The following PCK1 variants were observed in gnomAD, a reference collection of about 807,000 sequenced individuals.
PCK1 encodes phosphoenolpyruvate carboxykinase 1, also known as phosphoenolpyruvate carboxykinase, cytosolic [GTP].
In PCK1, 44 loss-of-function variants were observed where a neutral mutation model predicts 50.3. The observed-to-expected ratio is 0.87, with a 90% CI of 0.69 to 1.12. The LOEUF is 1.12. Among genes scored for constraint, PCK1 ranks in the 50% most tolerant of loss-of-function variants. The pLI is 0.00. For synonymous variants in PCK1, 332 were observed against 314.3 expected (o/e 1.06, Z -0.59); for missense variants, 790 against 815.0 (o/e 0.97, Z 0.37).
Position 57,562,753 on chromosome 20 carries a change from A to C in PCK1, c.464A>C (p.Lys155Thr). 2 of 1,614,102 alleles carry C rather than the reference A, an allele frequency of 1.2e-6. No homozygotes were observed. The highest frequency in any genetic ancestry group is 1.7e-6 in the Non-Finnish European group (2 of 1,179,960). ...SMGPLGSPLS[K>T]IGIELTDSPY... ...GGGCCGCTGGGCTCGCCTCTGTCAAAGATCGGCATCGAGCTGACGGATTCA... is the reference window on the plus strand; with the variant it reads ...GGGCCGCTGGGCTCGCCTCTGTCAACGATCGGCATCGAGCTGACGGATTCA... The change falls in exon 4 of 10, where the codon AAG becomes ACG. Residue 155 changes from lysine (K) to threonine (T), a missense_variant. Coordinates refer to ENST00000319441, the MANE Select transcript of PCK1 (RefSeq NM_002591.4).
In PCK1 at chr20:57,563,071, C is replaced by T. The variant is rs1600707117; in HGVS notation, c.654C>T (p.Leu218=). The change falls in exon 5 of 10, where the codon CTC becomes CTT. Residue 218 remains leucine (L), a synonymous_variant. Coordinates refer to ENST00000319441, the MANE Select transcript of PCK1 (RefSeq NM_002591.4). ...NNWPCNPELT[L]IAHLPDRREI... Reference sequence around the variant, plus strand: ...GGCCCTGCAACCCGGAGCTGACGCTCATCGCCCACCTGCCTGACCGCAGAG... The same window carrying T: ...GGCCCTGCAACCCGGAGCTGACGCTTATCGCCCACCTGCCTGACCGCAGAG... 6.2e-7 allele frequency: 1 copy of T among 1,614,112 alleles called. No individual in the cohort carries two copies. Among genetic ancestry groups the T allele is most frequent in the Non-Finnish European group, 8.5e-7 (1 of 1,180,022 alleles).
rs767392624 is a variant in PCK1, at chr20:57,565,355, A to G, written c.1420A>G (p.Ile474Val). ...ATAAAEHKGKIIMHDPFAMRP... is the reference protein window; with the variant it reads ...ATAAAEHKGKVIMHDPFAMRP... ...ACTCCCTCTCTGTTTAACAGGCAAA[A>G]TCATCATGCATGACCCCTTTGCCAT... is the stretch of plus-strand genomic sequence containing the variant. The change falls in exon 10 of 10, where the codon ATC becomes GTC. Residue 474 changes from isoleucine (I) to valine (V), a missense_variant. Physicochemically the swap from Ile to Val is conservative, Grantham distance 29 (BLOSUM62 3). Transcript: ENST00000319441. The G allele has an allele frequency of 1.9e-6, 3 of 1,612,880 alleles. No homozygotes were observed. In the African/African-American group the frequency reaches 4.0e-5, roughly 22 times the overall value.
rs1281227982 is a variant in PCK1, at chr20:57,561,417, T to A, written c.6T>A (p.Pro2=). 1.9e-6 allele frequency: 3 copies of A among 1,610,808 alleles called. No homozygotes were observed. The highest frequency in any genetic ancestry group is 1.1e-5 in the South Asian group (1 of 90,980). ...CTTAGCAGCACTCTGCAGAAATGCC[T>A]CCTCAGCTGCAAAACGGCCTGAACC... is the stretch of plus-strand genomic sequence containing the variant. M[P]PQLQNGLNLS... Residue 2 remains proline (P), a synonymous_variant, in exon 2 of 10, where the codon CCT becomes CCA. Transcript: ENST00000319441.
In PCK1 at chr20:57,563,592, G is replaced by A. The variant is rs11552145; in HGVS notation, c.826G>A (p.Glu276Lys). ...TCTGGGTATAACCAACCCTGAGGGT[G>A]AGAAGAAGTACCTGGCGGCCGCATT... Reference protein sequence around the residue: ...LILGITNPEGEKKYLAAAFPS... With the variant: ...LILGITNPEGKKKYLAAAFPS... The change falls in exon 6 of 10, where the codon GAG becomes AAG. Residue 276 changes from glutamate to lysine, a missense_variant. By Grantham distance (56) the Glu-to-Lys change is moderately conservative (BLOSUM62 1). Coordinates refer to ENST00000319441, the MANE Select transcript of PCK1 (RefSeq NM_002591.4). 294,205 of 1,609,592 alleles carry A rather than the reference G, an allele frequency of 0.18. 29,379 individuals carry two copies. Among genetic ancestry groups the A allele is most frequent in the Non-Finnish European group, 0.2 (237,908 of 1,176,300 alleles).
In PCK1 at chr20:57,562,221, G is replaced by A. The variant is rs780821314; in HGVS notation, c.375G>A (p.Ala125=). 68 of 1,614,012 alleles carry A rather than the reference G, an allele frequency of 4.2e-5. No individual in the cohort carries two copies. The highest frequency in any genetic ancestry group is 3.6e-4 in the South Asian group (33 of 91,088). ...TGTCAGAGGAGGATTTTGAGAAAGC[G>A]TTCAATGCCAGGTTCCCAGGGTGCA... ...RWMSEEDFEK[A]FNARFPGCMK... Residue 125 remains alanine, a synonymous_variant, in exon 3 of 10, where the codon GCG becomes GCA. Transcript: ENST00000319441.
rs2146531306 is a variant in PCK1, at chr20:57,565,644, G to A, written c.1709G>A (p.Gly570Glu). Residue 570 changes from glycine to glutamate, a missense_variant, in exon 10 of 10, where the codon GGG becomes GAG. Gly to Glu is a moderately conservative substitution (Grantham distance 98). Transcript: ENST00000319441. The part of the protein sequence containing the change: ...KEDALNLKGL[G>E]HINMMELFSI... ...GATGCCCTGAACCTGAAAGGCCTGG[G>A]GCACATCAACATGATGGAGCTTTTC... 1 of 1,614,120 alleles carries A rather than the reference G, an allele frequency of 6.2e-7. No individual in the cohort carries two copies. The highest frequency in any genetic ancestry group is 8.5e-7 in the Non-Finnish European group (1 of 1,180,034).
chr20:57,562,003 C>A, intron 2 of PCK1, 68 bp from the exon 3 acceptor site: 1 of 1,354,442 alleles, frequency 7.4e-7, no homozygotes, highest in Non-Finnish European at 1.0e-6. Flanking sequence ...CATGGAAAGC[C>A]ACGGTACTGA....
At chr20:57,563,363 T>C (rs2146528559) in intron 5 of PCK1, 148 bp downstream of exon 5, 1 of 744,872 alleles carries the variant, frequency 1.3e-6, no homozygotes, top group Non-Finnish European at 2.2e-6. Flanking sequence ...ATGATTAGTT[T>C]ACACATATAC....
chr20:57,563,090 C>G lies in PCK1; in HGVS notation c.673C>G (p.Arg225Gly), dbSNP rs770807520. 6.2e-7 allele frequency: 1 copy of G among 1,614,098 alleles called. No homozygotes were observed. The highest frequency in any genetic ancestry group is 8.5e-7 in the Non-Finnish European group (1 of 1,179,994). The stretch of plus-strand genomic sequence containing the variant: ...GACGCTCATCGCCCACCTGCCTGAC[C>G]GCAGAGAGATCATCTCCTTTGGCAG... ...ELTLIAHLPDRREIISFGSGY... is the reference protein window; with the variant it reads ...ELTLIAHLPDGREIISFGSGY... The change falls in exon 5 of 10, where the codon CGC (arginine) becomes GGC (glycine). Residue 225 changes from arginine to glycine, a missense_variant. Transcript: ENST00000319441.
At position 57,564,633 on chromosome 20, in the gene PCK1, A is replaced by C; in HGVS notation, c.1318+20A>C. The C allele has an allele frequency of 6.4e-7, 1 of 1,566,994 alleles. No individual in the cohort carries two copies. The highest frequency in any genetic ancestry group is 1.2e-5 in the South Asian group (1 of 82,194). ...CTGCTGGTGAGGCTCTCCTTCATTT[A>C]GGCTGGGAACATGGGTGTGCTGGGT... On this transcript the variant is annotated intron_variant, in intron 8 of 9. Transcript: ENST00000319441.
rs2070149531 is a variant in PCK1, at chr20:57,562,060, G to T, written c.225-11G>T. 1 of 1,611,706 alleles carries T rather than the reference G, an allele frequency of 6.2e-7. No homozygotes were observed. Among genetic ancestry groups the T allele is most frequent in the African/African-American group, 1.3e-5 (1 of 75,010 alleles). The stretch of plus-strand genomic sequence containing the variant: ...GGTGCTTGGCTGAAAGGAAGCCTGT[G>T]ATTTTTGCAGCTGGTTGGCTCTCAC... On this transcript the variant is annotated splice_polypyrimidine_tract_variant and intron_variant, in intron 2 of 9. Coordinates refer to ENST00000319441, the MANE Select transcript of PCK1 (RefSeq NM_002591.4).
chr20:57,567,320 T>G lies in PCK1; in HGVS notation c.*1516T>G, dbSNP rs1600709576. 6.6e-6 allele frequency: 1 copy of G among 152,030 alleles called. No individual in the cohort carries two copies. Among genetic ancestry groups the G allele is most frequent in the East Asian group, 1.9e-4 (1 of 5,186 alleles). The allele number at this position is 152,030 out of a possible 1,614,324, so 9.4% of individuals were successfully genotyped here. A position where few individuals can be genotyped will look rare whatever the true frequency, so the allele number is the denominator to read the frequency against. On this transcript the variant is annotated 3_prime_UTR_variant, in exon 10 of 10. Transcript: ENST00000319441. ...CCTTACAATGGCTTCATATGGAAGG[T>G]GAAGCTGAGATCACCCCAATTTTAC...
rs184086519 is a variant in PCK1 at position 57,562,190 on chromosome 20, G to T, written c.344G>T (p.Arg115Leu). Residue 115 changes from arginine (R) to leucine (L), a missense_variant, in exon 3 of 10, where the codon CGC becomes CTC. By Grantham distance (102) the Arg-to-Leu change is moderately radical. Transcript: ENST00000319441. ...IPKTGLSQLG[R>L]WMSEEDFEKA... ...AAAACAGGCCTCAGCCAGCTCGGTCGCTGGATGTCAGAGGAGGATTTTGAG... is the reference window on the plus strand; with the variant it reads ...AAAACAGGCCTCAGCCAGCTCGGTCTCTGGATGTCAGAGGAGGATTTTGAG... The T allele has an allele frequency of 6.2e-7, 1 of 1,614,204 alleles. No homozygotes were observed. The highest frequency in any genetic ancestry group is 1.3e-5 in the African/African-American group (1 of 75,058).
rs201175342 is a variant in PCK1, at chr20:57,565,712, G to A, written c.1777G>A (p.Glu593Lys). ...EFWEKEVEDI[E>K]KYLEDQVNAD... ...CTGGGAGAAGGAGGTGGAAGACATC[G>A]AGAAGTATCTGGAGGATCAAGTCAA... Residue 593 changes from glutamate (E) to lysine (K), a missense_variant, in exon 10 of 10, where the codon GAG becomes AAG. By Grantham distance (56) the Glu-to-Lys change is moderately conservative (BLOSUM62 1). Transcript: ENST00000319441. 2.9e-5 allele frequency: 47 copies of A among 1,613,698 alleles called. No homozygotes were observed. In the Admixed American group the frequency reaches 4.2e-4, roughly 14 times the overall value.
At chr20:57,562,656 A>G (rs1477829922) in intron 3 of PCK1, 40 bp from the exon 4 acceptor site, 5 of 1,558,302 alleles carry the variant, frequency 3.2e-6, no homozygotes, top group Non-Finnish European at 4.4e-6. Flanking sequence ...TCGAAGTCCA[A>G]GGTCATTTCT....
rs2146529997 is a variant in PCK1, at chr20:57,564,550, G to A, written c.1255G>A (p.Ala419Thr). Residue 419 changes from alanine (A) to threonine (T), a missense_variant, in exon 8 of 10, where the codon GCC becomes ACC. Transcript: ENST00000319441. ...PASQCPIIDAAWESPEGVPIE... is the reference protein window; with the variant it reads ...PASQCPIIDATWESPEGVPIE... ...CAGCCAGTGCCCCATCATTGATGCTGCCTGGGAGTCTCCGGAAGGTGTTCC... is the reference window on the plus strand; with the variant it reads ...CAGCCAGTGCCCCATCATTGATGCTACCTGGGAGTCTCCGGAAGGTGTTCC... The A allele has an allele frequency of 6.2e-7, 1 of 1,613,788 alleles. No individual in the cohort carries two copies. The highest frequency in any genetic ancestry group is 1.7e-5 in the Admixed American group (1 of 60,022).
At chr20:57,564,906 G>A (rs957575210) in intron 8 of PCK1, 134 bp from the exon 9 acceptor site, 30 of 731,592 alleles carry the variant, frequency 4.1e-5, no homozygotes, top group Non-Finnish European at 6.0e-5. Flanking sequence ...ATTTAGCTTG[G>A]TGAACGCAAA....
intron 9 of PCK1, 30 bp downstream of exon 9, chr20:57,565,165 G>A: frequency 1.3e-6 from 2 of 1,545,402 alleles, no homozygotes; most frequent in Non-Finnish European, 1.8e-6. Flanking sequence ...TGAAACCACA[G>A]AGAAGTGGGA....
In PCK1 at chr20:57,565,137, T is replaced by C; in HGVS notation, c.1414+2T>C. The C allele has an allele frequency of 6.2e-7, 1 of 1,609,640 alleles. No homozygotes were observed. The highest frequency in any genetic ancestry group is 8.5e-7 in the Non-Finnish European group (1 of 1,176,300). Reference sequence around the variant, plus strand: ...CCACAGCGGCTGCAGAACATAAAGGTAAATCAAAGTCCTGATCTGAAACCA... The same window carrying C: ...CCACAGCGGCTGCAGAACATAAAGGCAAATCAAAGTCCTGATCTGAAACCA... On this transcript the variant is annotated splice_donor_variant, in intron 9 of 9. Coordinates refer to ENST00000319441, the MANE Select transcript of PCK1 (RefSeq NM_002591.4). LOFTEE classifies it high-confidence loss of function.
Sources: allele counts gnomAD v4.1 joint callset, GRCh38; gene constraint gnomAD v4.1.1; transcripts MANE v1.5; gene names NCBI Gene and HGNC (gene_info 2026-07-23, HGNC 2026-07-21).